FAIM2: variants seen among roughly 807,000 people sequenced by gnomAD.
FAIM2 encodes protein lifeguard 2.
Under a neutral mutation model 47.4 loss-of-function variants are expected in FAIM2, and 27 were observed. That is an observed-to-expected ratio of 0.57 (90% CI 0.42 to 0.78). The LOEUF (loss-of-function observed/expected upper bound fraction) is 0.78, where lower values mean the gene tolerates loss of function less well. Ranked by LOEUF, FAIM2 falls within the 30% of genes least tolerant of loss-of-function variation. The probability of loss-of-function intolerance (pLI) is 0.00; values close to 1 mark genes in which losing one functional copy is unlikely to be tolerated. For missense variants in FAIM2, 311 were observed against 389.4 expected (o/e 0.80, Z 1.69); for synonymous variants, 156 against 159.3 (o/e 0.98, Z 0.16).
Position 49,897,545 on chromosome 12 carries a change from C to G in FAIM2, c.354G>C (p.Leu118Phe), listed in dbSNP as rs1017661321. 6.2e-7 allele frequency: 1 copy of G among 1,614,036 alleles called. No individual in the cohort carries two copies. Among genetic ancestry groups the G allele is most frequent in the South Asian group, 1.1e-5 (1 of 91,080 alleles). The part of the protein sequence containing the change: ...TILLIQLLVT[L>F]AVVALFTFCD... ...AGAAAGTAAAGAGAGCCACGACAGC[C>G]AAGGTCACCAGCAGCTGAATCAGCA... is the stretch of plus-strand genomic sequence containing the variant. The change falls in exon 4 of 12, where the codon TTG becomes TTC. Residue 118 changes from leucine to phenylalanine, a missense_variant. By Grantham distance (22) the Leu-to-Phe change is conservative. Transcript: ENST00000320634.
chr12:49,879,973 T>TGTGC (rs1946796234), intron 11 of FAIM2, among the ~76,000 whole-genome samples: 1 of 151,382 alleles, frequency 6.6e-6, no homozygotes, highest in Admixed American at 6.6e-5. Context: ...CATGTGTGTG[T>TGTGC]ATATGTGAGT....
At chr12:49,882,615 T>TGA (rs967939551) in intron 11 of FAIM2, among the ~76,000 whole-genome samples, 2 of 151,772 alleles carry the variant, frequency 1.3e-5, no homozygotes, top group African/African-American at 4.8e-5. Context: ...GATCTCCTAA[T>TGA]GAGATAATTG....
At chr12:49,879,662 A>G (rs1187727248) in intron 11 of FAIM2, among the ~76,000 whole-genome samples, 3 of 136,040 alleles carry the variant, frequency 2.2e-5, no homozygotes, top group South Asian at 2.4e-4. Flanking sequence ...GAATGTGTAT[A>G]TGTGAGTGTG....
At chr12:49,887,500 G>A (rs769474078) in intron 10 of FAIM2, 61 bp from the exon 11 acceptor site, 37 of 1,438,226 alleles carry the variant, frequency 2.6e-5, no homozygotes, top group Non-Finnish European at 3.6e-5. Flanking sequence ...AGAGGGGCAG[G>A]GAGGAGGGTT....
chr12:49,870,223 G>A lies in FAIM2; in HGVS notation c.*281C>T. On this transcript the variant is annotated 3_prime_UTR_variant, in exon 12 of 12. Coordinates refer to ENST00000320634, the MANE Select transcript of FAIM2 (RefSeq NM_012306.4). ...GCTAGGCTTCTCCTCCTTGTCCCTT[G>A]GACCCTCAAACCCAGAGGAGCCTTC... is the stretch of plus-strand genomic sequence containing the variant. 1 of 344,184 alleles carries A rather than the reference G, an allele frequency of 2.9e-6. No homozygotes were observed. The highest frequency in any genetic ancestry group is 5.4e-6 in the Non-Finnish European group (1 of 184,922). The allele number at this position is 344,184 out of a possible 1,614,324, so 21.3% of individuals were successfully genotyped here.
chr12:49,878,419 T>G lies in FAIM2; in HGVS notation c.802-7766A>C, dbSNP rs1451629343. ...GTGTCTGTGTGCATGTGAGTGTATG[T>G]GTGTGTATATGTGCAAGTGTGTGTC... On this transcript the variant is annotated intron_variant, in intron 11 of 11. Transcript: ENST00000320634. 2.4e-5 allele frequency among the ~76,000 whole-genome samples: 2 copies of G among 84,528 alleles called. 1 individual carries two copies. The highest frequency in any genetic ancestry group is 4.3e-5 in the Non-Finnish European group (2 of 46,388). The allele number at this position is 84,528 out of a possible 152,430, so 55.5% of individuals were successfully genotyped here. A position where few individuals can be genotyped will look rare whatever the true frequency, so the allele number is the denominator to read the frequency against.
chr12:49,887,835 G>A (rs1946872539), intron 10 of FAIM2, among the ~76,000 whole-genome samples: 1 of 152,140 alleles, frequency 6.6e-6, no homozygotes, highest in African/African-American at 2.4e-5. Context: ...TTGTGTCAGG[G>A]CACTCCTGGG....
intron 4 of FAIM2, 132 bp downstream of exon 4, chr12:49,897,387 G>A (rs888324523): frequency 2.4e-6 from 2 of 849,440 alleles, no homozygotes; most frequent in Non-Finnish European, 3.8e-6. Context: ...TTCTTTCCCA[G>A]CAGGAGGAGG....
chr12:49,891,054 A>G lies in FAIM2; in HGVS notation c.485+10T>C. 6.2e-7 allele frequency: 1 copy of G among 1,613,894 alleles called. No homozygotes were observed. The highest frequency in any genetic ancestry group is 8.5e-7 in the Non-Finnish European group (1 of 1,179,762). ...ATTCCCACAAGTTCCTCCTCAAGCCATTAGCATACCTGGGTCCAGAACAGC... is the reference window on the plus strand; with the variant it reads ...ATTCCCACAAGTTCCTCCTCAAGCCGTTAGCATACCTGGGTCCAGAACAGC... On this transcript the variant is annotated intron_variant, in intron 6 of 11. Coordinates refer to ENST00000320634, the MANE Select transcript of FAIM2 (RefSeq NM_012306.4).
chr12:49,871,189 C>T (rs776801591), intron 11 of FAIM2, among the ~76,000 whole-genome samples: 3 of 152,298 alleles, frequency 2.0e-5, no homozygotes, highest in East Asian at 1.9e-4. Flanking sequence ...AATAAGAATC[C>T]GATTCTTCCT....
At position 49,883,948 on chromosome 12, in the gene FAIM2, G is replaced by A. The variant is rs760264289; in HGVS notation, c.801+3438C>T. Among the ~76,000 whole-genome samples the A allele has an allele frequency of 3.3e-5, 5 of 152,156 alleles. No individual in the cohort carries two copies. In the East Asian group the frequency reaches 5.8e-4, roughly 18 times the overall value. On this transcript the variant is annotated intron_variant, in intron 11 of 11. Coordinates refer to ENST00000320634, the MANE Select transcript of FAIM2 (RefSeq NM_012306.4). ...GAGGATCAAGAGGGAATGGTCGGGC[G>A]CTATGGCTCATGCCTGTTATCCCAG... is the stretch of plus-strand genomic sequence containing the variant.
At chr12:49,896,841 C>T (rs1291142673) in intron 5 of FAIM2, among the ~76,000 whole-genome samples, 190 bp downstream of exon 5, 8 of 152,160 alleles carry the variant, frequency 5.3e-5, no homozygotes, top group Non-Finnish European at 7.3e-5. Context: ...ATGTAATGCC[C>T]CAGAAAGGTG....
chr12:49,901,080 G>A (rs779207076), intron 2 of FAIM2, 50 bp downstream of exon 2: 2 of 1,439,698 alleles, frequency 1.4e-6, no homozygotes, highest in South Asian at 2.7e-5. Flanking sequence ...TTCCCTCTGG[G>A]TCCACCCCCA....
At chr12:49,900,625 T>C (rs189479552) in intron 2 of FAIM2, among the ~76,000 whole-genome samples, 76 of 152,092 alleles carry the variant, frequency 5.0e-4, no homozygotes, top group African/African-American at 1.8e-3. Context: ...GAGTGATTGG[T>C]GAGGTGGATC....
At chr12:49,879,325 C>T (rs1352556844) in intron 11 of FAIM2, among the ~76,000 whole-genome samples, 54 of 45,308 alleles carry the variant, frequency 1.2e-3, no homozygotes, top group African/African-American at 2.3e-3. Context: ...TGTATATGTG[C>T]GTGTGTATGT....
chr12:49,890,604 TG>T, intron 7 of FAIM2, 78 bp downstream of exon 7: 1 of 1,386,774 alleles, frequency 7.2e-7, no homozygotes, highest in Non-Finnish European at 1.0e-6. Context: ...CCAGTCTTCC[TG>T]GTCCTCAATC....
At chr12:49,896,340 T>C (rs1347843130) in intron 5 of FAIM2, among the ~76,000 whole-genome samples, 1 of 152,150 alleles carries the variant, frequency 6.6e-6, no homozygotes, top group African/African-American at 2.4e-5. Flanking sequence ...TCTCCCAAGT[T>C]ACTGGCCGGG....
At chr12:49,897,410 C>A (rs1946945455) in intron 4 of FAIM2, 109 bp downstream of exon 4, 1 of 1,041,198 alleles carries the variant, frequency 9.6e-7, no homozygotes, top group Non-Finnish European at 1.5e-6. Flanking sequence ...CACTGCCCCA[C>A]AGGCATCTCT....
chr12:49,888,637 G>A (rs7358604), intron 10 of FAIM2, among the ~76,000 whole-genome samples: 9 of 152,286 alleles, frequency 5.9e-5, no homozygotes, highest in Admixed American at 2.0e-4. Context: ...GATGCTCTAA[G>A]GATGTGGGTA....
Sources: gnomAD v4.1 joint callset for allele counts (sites outside exome capture counted in the v4.1 genomes callset) on GRCh38, gnomAD v4.1.1 for gene constraint, MANE v1.5 for transcripts, NCBI Gene and HGNC (gene_info 2026-07-23, HGNC 2026-07-21) for gene names.